The following EHD4 variants were observed in gnomAD, a reference collection of about 807,000 sequenced individuals.
EHD4 encodes the protein EH domain containing 4, also known as EH domain-containing protein 4.
Under a neutral mutation model 51.0 loss-of-function variants are expected in EHD4, and 37 were observed. The ratio of observed to expected loss-of-function variants is 0.73; its 90% confidence interval spans 0.56 to 0.95. The LOEUF is 0.95. Ranked by LOEUF, EHD4 falls within the 40% of genes least tolerant of loss-of-function variation. EHD4 has a pLI of 0.00. For synonymous variants in EHD4, 297 were observed against 317.3 expected, an observed-to-expected ratio of 0.94 and a Z score of 0.68; for missense variants, 632 against 733.1, an observed-to-expected ratio of 0.86 and a Z score of 1.59.
intron 3 of EHD4, among the ~76,000 whole-genome samples, chr15:41,936,440 A>T (rs55971229): frequency 0.031 from 4,749 of 152,334 alleles, 115 homozygotes; most frequent in Admixed American, 0.069. Flanking sequence ...ACAATGCACT[A>T]TGAGAGTATT....
intron 4 of EHD4, among the ~76,000 whole-genome samples, chr15:41,913,768 G>T (rs532310252): frequency 6.6e-6 from 1 of 152,232 alleles, no homozygotes; most frequent in African/African-American, 2.4e-5. Flanking sequence ...ATGAATTTGG[G>T]TTCCAAGTGT....
chr15:41,921,063 T>C (rs1182305967), intron 3 of EHD4, among the ~76,000 whole-genome samples: 1 of 152,170 alleles, frequency 6.6e-6, no homozygotes, highest in Non-Finnish European at 1.5e-5. Context: ...GTTAGAGGAA[T>C]AGCTGAACAA....
chr15:41,965,675 T>C (rs1426412570), intron 1 of EHD4, among the ~76,000 whole-genome samples: 1 of 152,218 alleles, frequency 6.6e-6, no homozygotes, highest in African/African-American at 2.4e-5. Context: ...GTGATTCTGA[T>C]GCACAGCCAC....
intron 1 of EHD4, among the ~76,000 whole-genome samples, chr15:41,964,346 A>G (rs1229359867): frequency 6.6e-6 from 1 of 152,174 alleles, no homozygotes; most frequent in Non-Finnish European, 1.5e-5. Context: ...CTATAATCCC[A>G]GCACTTTGGA....
chr15:41,906,997 C>T (rs2067517015), intron 5 of EHD4, among the ~76,000 whole-genome samples: 1 of 152,202 alleles, frequency 6.6e-6, no homozygotes, highest in Non-Finnish European at 1.5e-5. Context: ...TGTTGCCTTC[C>T]CCCAGCTCAG....
intron 5 of EHD4, among the ~76,000 whole-genome samples, chr15:41,906,881 G>A (rs1422170444): frequency 2.0e-5 from 3 of 152,102 alleles, no homozygotes; most frequent in Non-Finnish European, 4.4e-5. Flanking sequence ...GTGGTGCTAA[G>A]GTACTGGGCA....
chr15:41,950,711 C>A (rs1241955243), intron 2 of EHD4, among the ~76,000 whole-genome samples: 1 of 152,150 alleles, frequency 6.6e-6, no homozygotes, highest in East Asian at 1.9e-4. Context: ...ACACACTTGG[C>A]TAGAAGGACA....
chr15:41,920,183 T>C (rs761063491), intron 3 of EHD4, among the ~76,000 whole-genome samples: 2 of 152,244 alleles, frequency 1.3e-5, no homozygotes, highest in African/African-American at 2.4e-5. Context: ...TCAATATTTA[T>C]CTTTGGACTA....
intron 3 of EHD4, among the ~76,000 whole-genome samples, chr15:41,930,979 A>G (rs550761830): frequency 1.2e-4 from 19 of 152,338 alleles, no homozygotes; most frequent in Middle Eastern, 3.4e-3. Flanking sequence ...AATGAAAATT[A>G]GAATCATAAT....
chr15:41,942,903 A>G, intron 3 of EHD4, 164 bp downstream of exon 3: 1 of 593,106 alleles, frequency 1.7e-6, no homozygotes, highest in Middle Eastern at 3.2e-4. Flanking sequence ...GAGGGGGCAG[A>G]GTCTTTGATG....
intron 5 of EHD4, among the ~76,000 whole-genome samples, chr15:41,907,824 CTGTGTGTGTGTGTGTGTGTGTGTG>C (rs10522331): frequency 2.3e-5 from 3 of 132,028 alleles, no homozygotes; most frequent in South Asian, 2.6e-4. Flanking sequence ...CGCCCAGGCT[CTGTGTGTGTGTGTGTGTGTGTGTG>C]TGTGTGTGTG....
At chr15:41,939,551 C>A (rs549372822) in intron 3 of EHD4, among the ~76,000 whole-genome samples, 1 of 151,998 alleles carries the variant, frequency 6.6e-6, no homozygotes, top group African/African-American at 2.4e-5. Flanking sequence ...CATTTATATA[C>A]AAACATCTTT....
intron 1 of EHD4, among the ~76,000 whole-genome samples, chr15:41,963,487 C>A (rs1245527321): frequency 6.6e-6 from 1 of 151,380 alleles, no homozygotes; most frequent in Non-Finnish European, 1.5e-5. Context: ...GTAATCCCAG[C>A]TACTTGGGAG....
At chr15:41,928,587 G>T (rs1206438366) in intron 3 of EHD4, 1 of 152,158 alleles carries the variant, frequency 6.6e-6, no homozygotes, top group African/African-American at 2.4e-5. Flanking sequence ...TTTATATCAA[G>T]AAAACAAATA....
intron 3 of EHD4, among the ~76,000 whole-genome samples, chr15:41,937,915 A>G: frequency 6.6e-6 from 1 of 152,330 alleles, no homozygotes; most frequent in African/African-American, 2.4e-5. Context: ...TTTGGATTTC[A>G]GATTTTCTGA....
chr15:41,969,104 A>C (rs2067980070), intron 1 of EHD4, among the ~76,000 whole-genome samples: 1 of 152,132 alleles, frequency 6.6e-6, no homozygotes, highest in African/African-American at 2.4e-5. Context: ...CTGGGAGTTT[A>C]TTTCTTTTCT....
chr15:41,940,619 G>A (rs909402389), intron 3 of EHD4, among the ~76,000 whole-genome samples: 5 of 152,210 alleles, frequency 3.3e-5, no homozygotes, highest in Admixed American at 2.6e-4. Context: ...GTCCGTCGGT[G>A]TGGCAGGGAC....
chr15:41,921,601 T>A (rs1358703946), intron 3 of EHD4: 1 of 152,216 alleles, frequency 6.6e-6, no homozygotes, highest in Non-Finnish European at 1.5e-5. Context: ...TGGACCTGCA[T>A]GGGGACTTGC....
At chr15:41,945,653 T>C (rs2067806923) in intron 2 of EHD4, among the ~76,000 whole-genome samples, 1 of 152,206 alleles carries the variant, frequency 6.6e-6, no homozygotes, top group Admixed American at 6.5e-5. Flanking sequence ...GACCCTGTGG[T>C]GCCACGCTCA....
Sources: allele counts gnomAD v4.1 joint callset (sites outside exome capture counted in the v4.1 genomes callset), GRCh38; gene constraint gnomAD v4.1.1; transcripts MANE v1.5; gene names NCBI Gene and HGNC (gene_info 2026-07-23, HGNC 2026-07-21).